Variants in MRAS observed in about 807,000 individuals in gnomAD.
MRAS encodes the protein muscle RAS oncogene homolog.
A neutral mutation model predicts 20.9 loss-of-function variants in MRAS; 4 were observed. The ratio of observed to expected loss-of-function variants is 0.19; its 90% confidence interval spans 0.09 to 0.44. The LOEUF is 0.44. MRAS is among the 20% of genes least tolerant of loss of function. The pLI is 0.99. For missense variants in MRAS, 154 were observed against 277.5 expected (o/e 0.56, Z 3.16); for synonymous variants, 98 against 102.9 (o/e 0.95, Z 0.29).
intron 1 of MRAS, among the ~76,000 whole-genome samples, chr3:138,367,417 T>A (rs768507314): frequency 3.9e-5 from 6 of 152,140 alleles, no homozygotes; most frequent in Non-Finnish European, 8.8e-5. Flanking sequence ...GTTGAGGCTG[T>A]CCCTGACCTC....
At chr3:138,395,048 AT>A (rs906391831) in intron 2 of MRAS, among the ~76,000 whole-genome samples, 1 of 148,228 alleles carries the variant, frequency 6.7e-6, no homozygotes, top group African/African-American at 2.5e-5. Flanking sequence ...TTTATTTTTT[AT>A]TTTTTTTTCA....
intron 2 of MRAS, among the ~76,000 whole-genome samples, chr3:138,386,168 A>G (rs1448921194): frequency 6.6e-6 from 1 of 152,182 alleles, no homozygotes; most frequent in Admixed American, 6.5e-5. Context: ...TTGCTGATTA[A>G]CAAATCAGTA....
At chr3:138,352,702 A>G (rs1462521132) in intron 1 of MRAS, among the ~76,000 whole-genome samples, 1 of 152,130 alleles carries the variant, frequency 6.6e-6, no homozygotes, top group Non-Finnish European at 1.5e-5. Context: ...GGATAAAACA[A>G]TATGATTTAC....
intron 2 of MRAS, among the ~76,000 whole-genome samples, chr3:138,380,399 G>A (rs894537505): frequency 2.6e-5 from 4 of 151,766 alleles, no homozygotes; most frequent in Non-Finnish European, 5.9e-5. Flanking sequence ...TGCAACCTCC[G>A]CTTTCTGAGT....
intron 1 of MRAS, among the ~76,000 whole-genome samples, chr3:138,353,853 G>C (rs551187449): frequency 9.8e-5 from 15 of 152,356 alleles, no homozygotes; most frequent in Admixed American, 6.5e-5. Flanking sequence ...AAGTTAAGTA[G>C]GTCACCTGCA....
intron 1 of MRAS, among the ~76,000 whole-genome samples, chr3:138,363,829 C>T (rs1048612322): frequency 6.0e-5 from 7 of 116,524 alleles, no homozygotes; most frequent in South Asian, 3.8e-4. Flanking sequence ...ACCCCCCCCC[C>T]CCCCCAAACC....
intron 1 of MRAS, among the ~76,000 whole-genome samples, chr3:138,362,286 A>G (rs1353415590): frequency 6.6e-6 from 1 of 152,052 alleles, no homozygotes; most frequent in Non-Finnish European, 1.5e-5. Flanking sequence ...TCATTTTGCA[A>G]CTTGCCAGGC....
At chr3:138,381,912 G>A (rs1186027689) in intron 2 of MRAS, among the ~76,000 whole-genome samples, 1 of 152,204 alleles carries the variant, frequency 6.6e-6, no homozygotes, top group Non-Finnish European at 1.5e-5. Flanking sequence ...AGAGGAAAAG[G>A]AACGTTTACT....
At chr3:138,399,403 C>T (rs753368306) in intron 4 of MRAS, among the ~76,000 whole-genome samples, 18 of 152,148 alleles carry the variant, frequency 1.2e-4, no homozygotes, top group Non-Finnish European at 7.4e-5. Context: ...TTGTGCTCTG[C>T]GCTTTGTGTG....
intron 2 of MRAS, among the ~76,000 whole-genome samples, chr3:138,380,136 C>T (rs2054868992): frequency 6.6e-6 from 1 of 152,120 alleles, no homozygotes; most frequent in Non-Finnish European, 1.5e-5. Context: ...ACCTGCTATC[C>T]ATTTGTTTGT....
chr3:138,396,553 C>G lies in MRAS; in HGVS notation c.194-771C>G, dbSNP rs371166337. 4.5e-4 allele frequency among the ~76,000 whole-genome samples: 68 copies of G among 152,352 alleles called. 1 individual carries two copies. The East Asian group carries it at 6.4e-3, about 14-fold the overall frequency. ...GCCTGCACTGCTAAAAGGAACCCCC[C>G]ACCCTGCCTACCGAGCTTGTGGCTG... On this transcript the variant is annotated intron_variant, in intron 2 of 5. Coordinates refer to ENST00000423968, the MANE Select transcript of MRAS (RefSeq NM_001085049.3).
chr3:138,381,483 A>C (rs1429741701), intron 2 of MRAS, among the ~76,000 whole-genome samples: 1 of 152,140 alleles, frequency 6.6e-6, no homozygotes, highest in Non-Finnish European at 1.5e-5. Flanking sequence ...ATGCTGACCA[A>C]ATCCTCTCCT....
intron 2 of MRAS, 40 bp from the exon 3 acceptor site, chr3:138,397,284 T>G (rs1249957833): frequency 1.2e-6 from 2 of 1,605,554 alleles, no homozygotes; most frequent in South Asian, 2.2e-5. Context: ...GGCTACAGGG[T>G]AGGTGAGGAC....
At chr3:138,401,403 C>G (rs142614129) in intron 5 of MRAS, among the ~76,000 whole-genome samples, 301 of 152,294 alleles carry the variant, frequency 2.0e-3, no homozygotes, top group African/African-American at 7.0e-3. Context: ...GCTCAAAAAG[C>G]TCATCTTCTC....
At chr3:138,355,335 C>T (rs2054309562) in intron 1 of MRAS, among the ~76,000 whole-genome samples, 1 of 152,182 alleles carries the variant, frequency 6.6e-6, no homozygotes, top group Non-Finnish European at 1.5e-5. Flanking sequence ...TGTTTGCAGC[C>T]TTCTCCTTTC....
chr3:138,361,640 C>G (rs553748912), intron 1 of MRAS, among the ~76,000 whole-genome samples: 1 of 152,126 alleles, frequency 6.6e-6, no homozygotes, highest in Admixed American at 6.5e-5. Flanking sequence ...TGAGGAGGTG[C>G]GGGGCTCTGT....
Position 138,381,953 on chromosome 3 carries a change from CCAGGGGGCTTTAT to C in MRAS, c.193+8878_193+8890del, listed in dbSNP as rs552140855. Among the ~76,000 whole-genome samples, 94 of 152,268 alleles carry C rather than the reference CCAGGGGGCTTTAT, an allele frequency of 6.2e-4. No individual in the cohort carries two copies. In the South Asian group the frequency reaches 9.5e-3, roughly 15 times the overall value. On this transcript the variant is annotated intron_variant, in intron 2 of 5. Coordinates refer to ENST00000423968, the MANE Select transcript of MRAS (RefSeq NM_001085049.3). ...TTTTTTTCCTGAACCAGGGGCTTTA[CCAGGGGGCTTTAT>C]GCTCAGCAGGCCTTAGGCCAGCTTC...
At chr3:138,400,421 T>C (rs1192979855) in intron 4 of MRAS, 113 bp from the exon 5 acceptor site, 1 of 867,428 alleles carries the variant, frequency 1.2e-6, no homozygotes, top group Non-Finnish European at 1.9e-6. Context: ...GGGGCTTCTG[T>C]GGGGGGTTTT....
intron 1 of MRAS, among the ~76,000 whole-genome samples, chr3:138,371,098 T>C (rs1485635622): frequency 6.6e-6 from 1 of 152,224 alleles, no homozygotes; most frequent in Non-Finnish European, 1.5e-5. Context: ...TAGAATAAAT[T>C]CTCACATGGG....
Sources: allele counts gnomAD v4.1 joint callset (sites outside exome capture counted in the v4.1 genomes callset), GRCh38; gene constraint gnomAD v4.1.1; transcripts MANE v1.5; gene names NCBI Gene and HGNC (gene_info 2026-07-23, HGNC 2026-07-21).